The following LRBA variants were observed in gnomAD, a reference collection of about 807,000 sequenced individuals.
LRBA encodes lipopolysaccharide-responsive and beige-like anchor protein.
In LRBA, 176 loss-of-function variants were observed where a neutral mutation model predicts 330.0. That is an observed-to-expected ratio of 0.53 (90% CI 0.47 to 0.60). The LOEUF is 0.60. Ranked by LOEUF, LRBA falls within the 20% of genes least tolerant of loss-of-function variation. LRBA has a pLI of 0.00. For synonymous variants in LRBA, 1,230 were observed against 1,193.0 expected, an observed-to-expected ratio of 1.03 and a Z score of -0.64; for missense variants, 3,259 against 3,444.8, an observed-to-expected ratio of 0.95 and a Z score of 1.35.
chr4:150,718,809 G>A (rs1728570118), intron 36 of LRBA, among the ~76,000 whole-genome samples: 1 of 151,950 alleles, frequency 6.6e-6, no homozygotes, highest in Non-Finnish European at 1.5e-5. Context: ...AAATAGCTTA[G>A]AATAAAGCTG....
At chr4:150,875,902 A>G (rs1421915843) in intron 17 of LRBA, among the ~76,000 whole-genome samples, 1 of 152,222 alleles carries the variant, frequency 6.6e-6, no homozygotes, top group Non-Finnish European at 1.5e-5. Context: ...GAAACTCAGA[A>G]GAATTGACAA....
Position 150,415,562 on chromosome 4 carries a change from G to A in LRBA, c.7070C>T (p.Pro2357Leu). The A allele has an allele frequency of 6.3e-7, 1 of 1,586,960 alleles. No individual in the cohort carries two copies. Among genetic ancestry groups the A allele is most frequent in the South Asian group, 1.1e-5 (1 of 90,278 alleles). ...ATTATTGAAGTTGACAAACATCTCAGGGAGATAATAAAATTCAGGGATCAA... is the reference window on the plus strand; with the variant it reads ...ATTATTGAAGTTGACAAACATCTCAAGGAGATAATAAAATTCAGGGATCAA... ...KELIPEFYYL[P>L]EMFVNFNNYN... is the part of the protein sequence containing the mutation. The change falls in exon 47 of 57, where the codon CCT becomes CTT. Residue 2357 changes from proline to leucine, a missense_variant. By Grantham distance (98) the Pro-to-Leu change is moderately conservative. Transcript: ENST00000651943.
chr4:150,819,482 G>A (rs1745110049), intron 30 of LRBA, among the ~76,000 whole-genome samples: 1 of 151,708 alleles, frequency 6.6e-6, no homozygotes, highest in Admixed American at 6.6e-5. Flanking sequence ...ATATTTAAGA[G>A]TGAAGTGAAC....
intron 2 of LRBA, among the ~76,000 whole-genome samples, chr4:151,002,870 T>C (rs1402674034): frequency 2.6e-5 from 4 of 151,624 alleles, no homozygotes; most frequent in Non-Finnish European, 5.9e-5. Context: ...AAAAATTAGC[T>C]GGGTGTAGTG....
At chr4:150,763,875 A>G (rs1206277387) in intron 34 of LRBA, among the ~76,000 whole-genome samples, 1 of 152,032 alleles carries the variant, frequency 6.6e-6, no homozygotes, top group Non-Finnish European at 1.5e-5. Context: ...TGAAGAGAAC[A>G]TAACCATGAC....
chr4:150,844,902 G>T, intron 26 of LRBA, 123 bp from the exon 27 acceptor site: 2 of 771,992 alleles, frequency 2.6e-6, no homozygotes, highest in Non-Finnish European at 2.1e-6. Flanking sequence ...ACGACATTCA[G>T]CTTATTCCTA....
chr4:150,753,376 T>C (rs190163576), intron 35 of LRBA, among the ~76,000 whole-genome samples: 4 of 152,232 alleles, frequency 2.6e-5, no homozygotes, highest in Admixed American at 6.5e-5. Context: ...ACAAAGTGAA[T>C]GACGCTATTT....
intron 37 of LRBA, among the ~76,000 whole-genome samples, chr4:150,634,445 T>C (rs1232223868): frequency 1.3e-5 from 2 of 152,164 alleles, no homozygotes; most frequent in Admixed American, 6.5e-5. Flanking sequence ...ATCAATAAGA[T>C]AAAAGCCAAT....
intron 41 of LRBA, among the ~76,000 whole-genome samples, chr4:150,488,722 T>C (rs983813168): frequency 6.8e-6 from 1 of 147,654 alleles, no homozygotes; most frequent in Non-Finnish European, 1.5e-5. Flanking sequence ...AGATGGTCCT[T>C]CTTCTCTACC....
chr4:150,621,151 C>T (rs952394039), intron 37 of LRBA, among the ~76,000 whole-genome samples: 3 of 151,346 alleles, frequency 2.0e-5, no homozygotes, highest in African/African-American at 7.3e-5. Flanking sequence ...TTAATAAGAA[C>T]TCTCAGTAAA....
intron 2 of LRBA, among the ~76,000 whole-genome samples, chr4:150,944,626 G>T (rs1736046952): frequency 1.3e-5 from 2 of 152,144 alleles, no homozygotes; most frequent in South Asian, 4.1e-4. Context: ...TGAGAAAAAT[G>T]AAACAAAAAG....
chr4:150,639,414 C>A (rs1265672331), intron 37 of LRBA, among the ~76,000 whole-genome samples: 3 of 132,730 alleles, frequency 2.3e-5, no homozygotes, highest in Non-Finnish European at 5.0e-5. Flanking sequence ...ATAAGCAAAA[C>A]GTGGGAATAA....
At chr4:150,602,882 G>A (rs1774260579) in intron 37 of LRBA, among the ~76,000 whole-genome samples, 1 of 152,120 alleles carries the variant, frequency 6.6e-6, no homozygotes, top group Admixed American at 6.6e-5. Context: ...GAAACAGACT[G>A]TTGACCAAAT....
At chr4:150,816,159 A>G (rs1383130600) in intron 31 of LRBA, among the ~76,000 whole-genome samples, 1 of 151,988 alleles carries the variant, frequency 6.6e-6, no homozygotes, top group Non-Finnish European at 1.5e-5. Flanking sequence ...ACAGCAGAAT[A>G]GAAGGCAAAC....
intron 37 of LRBA, among the ~76,000 whole-genome samples, chr4:150,605,087 A>G (rs1245476090): frequency 6.6e-6 from 1 of 152,224 alleles, no homozygotes; most frequent in Non-Finnish European, 1.5e-5. Flanking sequence ...TCGCATTGCT[A>G]TATTAAAGTA....
intron 2 of LRBA, among the ~76,000 whole-genome samples, chr4:150,954,627 G>A (rs2149551970): frequency 6.6e-6 from 1 of 150,468 alleles, no homozygotes; most frequent in East Asian, 1.9e-4. Flanking sequence ...CACAAACACT[G>A]CAGAAGGCGG....
chr4:150,939,400 C>T (rs983251803), intron 2 of LRBA, among the ~76,000 whole-genome samples: 5 of 152,138 alleles, frequency 3.3e-5, no homozygotes, highest in African/African-American at 9.7e-5. Context: ...TACAGTGATA[C>T]TTCTATATGC....
intron 40 of LRBA, among the ~76,000 whole-genome samples, chr4:150,571,176 T>C (rs919338926): frequency 9.9e-5 from 15 of 151,994 alleles, no homozygotes; most frequent in Non-Finnish European, 1.5e-5. Flanking sequence ...TACCCCTTTC[T>C]GCAGCTTCTT....
intron 53 of LRBA, among the ~76,000 whole-genome samples, chr4:150,286,397 A>T (rs1748131561): frequency 6.6e-6 from 1 of 152,196 alleles, no homozygotes. Flanking sequence ...TTTCAAAGAA[A>T]GGCCTCGCCC....
Sources: gnomAD v4.1 joint callset for allele counts (sites outside exome capture counted in the v4.1 genomes callset) on GRCh38, gnomAD v4.1.1 for gene constraint, MANE v1.5 for transcripts, NCBI Gene and HGNC (gene_info 2026-07-23, HGNC 2026-07-21) for gene names.